Variants in CSTF1 observed in about 807,000 individuals in gnomAD.
CSTF1 encodes the protein CF-1 50 kDa subunit.
In CSTF1, 2 loss-of-function variants were observed where a neutral mutation model predicts 40.9. That is an observed-to-expected ratio of 0.05 (90% CI 0.02 to 0.15). CSTF1 has a LOEUF of 0.15. CSTF1 is among the 10% of genes least tolerant of loss of function. The probability of loss-of-function intolerance (pLI) is 1.00; values close to 1 mark genes in which losing one functional copy is unlikely to be tolerated. For synonymous variants in CSTF1, 218 were observed against 207.2 expected (o/e 1.05, Z -0.45); for missense variants, 279 against 558.9 (o/e 0.50, Z 5.05).
chr20:56,403,326 T>C (rs2146250210), intron 5 of CSTF1, 142 bp from the exon 6 acceptor site: 1 of 1,010,988 alleles, frequency 9.9e-7, no homozygotes, highest in Non-Finnish European at 1.4e-6. Flanking sequence ...TGATTTTCTT[T>C]TTTGTACTTT....
rs1978649055 is a variant in CSTF1 at position 56,405,076 on chromosome 20, A to G, written c.*1349A>G. 1 of 152,058 alleles carries G rather than the reference A, an allele frequency of 6.6e-6. No individual in the cohort carries two copies. Among genetic ancestry groups the G allele is most frequent in the Non-Finnish European group, 1.5e-5 (1 of 68,020 alleles). The allele number at this position is 152,058 out of a possible 1,614,324, so 9.4% of individuals were successfully genotyped here. ...ATAAACTTTGCTTTATATTTATCCC[A>G]AAAAACAAATACCTTATGATCTGCA... On this transcript the variant is annotated 3_prime_UTR_variant, in exon 6 of 6. Coordinates refer to ENST00000217109, the MANE Select transcript of CSTF1 (RefSeq NM_001324.3).
intron 2 of CSTF1, among the ~76,000 whole-genome samples, chr20:56,396,239 G>A (rs1435642462): frequency 6.6e-6 from 1 of 152,134 alleles, no homozygotes; most frequent in African/African-American, 2.4e-5. Context: ...GTATTATTCA[G>A]CAGTATATCC....
chr20:56,401,417 A>G (rs979742812), intron 5 of CSTF1, among the ~76,000 whole-genome samples: 7 of 152,342 alleles, frequency 4.6e-5, no homozygotes, highest in African/African-American at 1.7e-4. Context: ...AAAGATTTAT[A>G]TTATCTACTA....
intron 1 of CSTF1, among the ~76,000 whole-genome samples, chr20:56,394,050 G>A (rs1438098331): frequency 2.6e-5 from 4 of 152,146 alleles, no homozygotes; most frequent in African/African-American, 9.7e-5. Context: ...CACTTTTTAC[G>A]TTGAGTAGGT....
chr20:56,403,013 A>G (rs761963887), intron 5 of CSTF1, among the ~76,000 whole-genome samples: 17 of 151,926 alleles, frequency 1.1e-4, no homozygotes, highest in African/African-American at 3.4e-4. Context: ...CTTTGCATCT[A>G]GTAAAAAACA....
At chr20:56,402,356 A>G (rs2426621) in intron 5 of CSTF1, among the ~76,000 whole-genome samples, 47,766 of 151,990 alleles carry the variant, frequency 0.31, 9,619 homozygotes, top group Non-Finnish European at 0.44. Context: ...TAACACTTAG[A>G]TATTTCGAAA....
intron 4 of CSTF1, among the ~76,000 whole-genome samples, chr20:56,398,377 T>C (rs12329474): frequency 0.077 from 11,676 of 152,188 alleles, 510 homozygotes; most frequent in African/African-American, 0.11. Flanking sequence ...ATGGTCAGCC[T>C]GAGCAATGTA....
intron 5 of CSTF1, among the ~76,000 whole-genome samples, chr20:56,401,966 A>G (rs1978469082): frequency 6.6e-6 from 1 of 152,176 alleles, no homozygotes; most frequent in African/African-American, 2.4e-5. Context: ...TCTGCACTAC[A>G]TATGCTTGAA....
Position 56,404,184 on chromosome 20 carries a change from A to G in CSTF1, c.*457A>G, listed in dbSNP as rs1024714785. The G allele has an allele frequency of 2.6e-5, 4 of 154,828 alleles. No individual in the cohort carries two copies. The highest frequency in any genetic ancestry group is 9.6e-5 in the African/African-American group (4 of 41,508). The allele number at this position is 154,828 out of a possible 1,614,324, so 9.6% of individuals were successfully genotyped here. A position where few individuals can be genotyped will look rare whatever the true frequency, so the allele number is the denominator to read the frequency against. ...ACTCCTGAGTTTTATGCCATTATCA[A>G]AAGCATTTTCAAGAATCCCTCAATT... is the stretch of plus-strand genomic sequence containing the variant. On this transcript the variant is annotated 3_prime_UTR_variant, in exon 6 of 6. Transcript: ENST00000217109.
chr20:56,402,089 C>T (rs549718488), intron 5 of CSTF1, among the ~76,000 whole-genome samples: 7 of 152,130 alleles, frequency 4.6e-5, no homozygotes, highest in African/African-American at 1.4e-4. Context: ...GGCAGATCAT[C>T]TGAGGTCAGG....
chr20:56,404,262 T>G lies in CSTF1; in HGVS notation c.*535T>G, dbSNP rs1303250602. ...ATAAAGCTCAGATCTGCAACTTTAT[T>G]GTTATATATTTTTCACTTCTGTAAA... On this transcript the variant is annotated 3_prime_UTR_variant, in exon 6 of 6. Transcript: ENST00000217109. 1 of 152,598 alleles carries G rather than the reference T, an allele frequency of 6.6e-6. No homozygotes were observed. The highest frequency in any genetic ancestry group is 2.4e-5 in the African/African-American group (1 of 41,464). The allele number at this position is 152,598 out of a possible 1,614,324, so 9.5% of individuals were successfully genotyped here.
rs777217695 is a variant in CSTF1 at position 56,397,404 on chromosome 20, A to G, written c.367A>G (p.Ile123Val). 4 of 1,614,226 alleles carry G rather than the reference A, an allele frequency of 2.5e-6. No individual in the cohort carries two copies. The Admixed American group carries it at 6.7e-5, about 27-fold the overall frequency. ...VATYSRDGQLIATGSADASIK... is the reference protein window; with the variant it reads ...VATYSRDGQLVATGSADASIK... ...TACCTATAGTAGAGATGGACAGTTA[A>G]TAGCTACTGGGTCTGCTGATGCTTC... The change falls in exon 3 of 6, where the codon ATA (isoleucine) becomes GTA (valine). Residue 123 changes from isoleucine to valine, a missense_variant. Coordinates refer to ENST00000217109, the MANE Select transcript of CSTF1 (RefSeq NM_001324.3). The surrounding 1 kb of genome is among the most constrained non-coding windows in gnomAD (Gnocchi z 4.4).
Position 56,397,889 on chromosome 20 carries a change from A to G in CSTF1, c.645+48A>G. ...TTTACATTTTTTCTTAAATACAATG[A>G]GCTATTGTACAACTATTCTCTTTTT... On this transcript the variant is annotated intron_variant, in intron 4 of 5. Transcript: ENST00000217109. The surrounding 1 kb of genome is among the most constrained non-coding windows in gnomAD (Gnocchi z 4.4). The G allele has an allele frequency of 7.2e-7, 1 of 1,387,282 alleles. No homozygotes were observed. Among genetic ancestry groups the G allele is most frequent in the Non-Finnish European group, 1.0e-6 (1 of 983,062 alleles). The allele number at this position is 1,387,282 out of a possible 1,614,324, so 85.9% of individuals were successfully genotyped here.
chr20:56,405,291 C>G lies in CSTF1; in HGVS notation c.*1564C>G, dbSNP rs1308745593. Reference sequence around the variant, plus strand: ...GCGCGATCTCGGCTCACCGCAGCCTCCGCCACCTGGGTTCAAACGATTCTC... The same window carrying G: ...GCGCGATCTCGGCTCACCGCAGCCTGCGCCACCTGGGTTCAAACGATTCTC... On this transcript the variant is annotated 3_prime_UTR_variant, in exon 6 of 6. Coordinates refer to ENST00000217109, the MANE Select transcript of CSTF1 (RefSeq NM_001324.3). 1 of 152,198 alleles carries G rather than the reference C, an allele frequency of 6.6e-6. No individual in the cohort carries two copies. 9.4% of individuals were successfully genotyped at this position (152,198 alleles called of 1,614,324 possible).
chr20:56,395,092 C>G (rs34986374), intron 1 of CSTF1, among the ~76,000 whole-genome samples: 5,985 of 152,246 alleles, frequency 0.039, 344 homozygotes, highest in African/African-American at 0.13. Context: ...GCTAGTGGAA[C>G]CAGCAGTCTA....
Position 56,397,313 on chromosome 20 carries a change from G to C in CSTF1, c.276G>C (p.Met92Ile), listed in dbSNP as rs1320446817. The change falls in exon 3 of 6, where the codon ATG becomes ATC. Residue 92 changes from methionine (M) to isoleucine (I), a missense_variant. Transcript: ENST00000217109. The surrounding 1 kb of genome is among the most constrained non-coding windows in gnomAD (Gnocchi z 4.4). ...DLEFDADVQT[M>I]SPEASEYETC... The stretch of plus-strand genomic sequence containing the variant: ...AATTTGATGCAGATGTTCAGACTAT[G>C]TCCCCAGAGGCTTCTGAGTACGAAA... 1 of 1,614,180 alleles carries C rather than the reference G, an allele frequency of 6.2e-7. No homozygotes were observed.
chr20:56,394,415 C>T (rs776828144), intron 1 of CSTF1, among the ~76,000 whole-genome samples: 18 of 152,258 alleles, frequency 1.2e-4, no homozygotes, highest in Middle Eastern at 3.4e-3. Flanking sequence ...GGTGAAACCC[C>T]GTCTCTACTA....
In CSTF1 at chr20:56,399,499, C is replaced by A; in HGVS notation, c.1036+142C>A. 1.3e-6 allele frequency: 1 copy of A among 781,042 alleles called. No individual in the cohort carries two copies. The highest frequency in any genetic ancestry group is 2.0e-6 in the Non-Finnish European group (1 of 496,224). The allele number at this position is 781,042 out of a possible 1,614,324, so 48.4% of individuals were successfully genotyped here. A position where few individuals can be genotyped will look rare whatever the true frequency, so the allele number is the denominator to read the frequency against. On this transcript the variant is annotated intron_variant, in intron 5 of 5. Transcript: ENST00000217109. This position sits in a 1 kb window ranked among gnomAD's most constrained non-coding sequence, Gnocchi z 4.6. Reference sequence around the variant, plus strand: ...TACCCTTTCTTAGATAAGAGGAAACCAAGACTTACAGGTTAAGTCATTTAG... The same window carrying A: ...TACCCTTTCTTAGATAAGAGGAAACAAAGACTTACAGGTTAAGTCATTTAG...
intron 1 of CSTF1, among the ~76,000 whole-genome samples, chr20:56,394,350 C>T (rs1052288957): frequency 1.3e-5 from 2 of 152,126 alleles, no homozygotes; most frequent in Admixed American, 6.5e-5. Context: ...CTTTGGGAGG[C>T]GGAGGCAGGC....
Sources: gnomAD v4.1 joint callset for allele counts (sites outside exome capture counted in the v4.1 genomes callset) on GRCh38, gnomAD v4.1.1 for gene constraint, Gnocchi (gnomAD v3.1) non-coding constraint, MANE v1.5 for transcripts, NCBI Gene and HGNC (gene_info 2026-07-23, HGNC 2026-07-21) for gene names.